Variants in BRINP3 observed in about 807,000 individuals in gnomAD.
BRINP3 encodes BMP/retinoic acid inducible neural specific 3.
Under a neutral mutation model 71.0 loss-of-function variants are expected in BRINP3, and 19 were observed. That is an observed-to-expected ratio of 0.27 (90% CI 0.19 to 0.39). BRINP3 has a LOEUF of 0.39. BRINP3 is among the 10% of genes least tolerant of loss of function. BRINP3 has a pLI of 1.00. For missense variants in BRINP3, 959 were observed against 940.8 expected (o/e 1.02, Z -0.25); for synonymous variants, 380 against 337.7 (o/e 1.13, Z -1.37).
At chr1:190,119,725 A>G (rs2102312389) in intron 7 of BRINP3, among the ~76,000 whole-genome samples, 1 of 152,370 alleles carries the variant, frequency 6.6e-6, no homozygotes, top group East Asian at 1.9e-4. Context: ...AAAGGCAACA[A>G]TGATGAGATG....
intron 2 of BRINP3, among the ~76,000 whole-genome samples, chr1:190,394,512 G>A (rs184254758): frequency 6.1e-4 from 93 of 151,544 alleles, no homozygotes; most frequent in African/African-American, 2.2e-3. Flanking sequence ...TGACTATGCT[G>A]TTTCTTCAGT....
chr1:190,198,893 T>C (rs951407740), intron 6 of BRINP3, among the ~76,000 whole-genome samples: 6 of 152,148 alleles, frequency 3.9e-5, no homozygotes, highest in Non-Finnish European at 7.4e-5. Context: ...TTTGATATCT[T>C]AACAGCAGCA....
chr1:190,387,900 T>G (rs1671013145), intron 2 of BRINP3, among the ~76,000 whole-genome samples: 1 of 151,862 alleles, frequency 6.6e-6, no homozygotes, highest in Non-Finnish European at 1.5e-5. Flanking sequence ...ATTTCTCCTT[T>G]GAATTCTAAT....
intron 2 of BRINP3, among the ~76,000 whole-genome samples, chr1:190,350,115 G>A (rs1195275896): frequency 1.3e-5 from 2 of 152,020 alleles, no homozygotes; most frequent in Non-Finnish European, 2.9e-5. Context: ...ACAAAACCAC[G>A]CCCTTGGTCA....
chr1:190,178,037 T>C (rs1022088493), intron 6 of BRINP3, among the ~76,000 whole-genome samples: 1 of 152,198 alleles, frequency 6.6e-6, no homozygotes, highest in Non-Finnish European at 1.5e-5. Flanking sequence ...GTCAGATATA[T>C]GCAAATATTA....
At chr1:190,141,704 C>T (rs745848555) in intron 7 of BRINP3, among the ~76,000 whole-genome samples, 6 of 151,658 alleles carry the variant, frequency 4.0e-5, no homozygotes, top group South Asian at 2.1e-4. Flanking sequence ...GGGTTACAGG[C>T]GTGTGCCATC....
chr1:190,301,149 A>T (rs1664655567), intron 2 of BRINP3, among the ~76,000 whole-genome samples: 2 of 142,196 alleles, frequency 1.4e-5, no homozygotes, highest in Non-Finnish European at 3.0e-5. Flanking sequence ...ATATATACAC[A>T]CATACATATA....
intron 7 of BRINP3, among the ~76,000 whole-genome samples, chr1:190,134,563 CAT>C (rs1431029403): frequency 1.3e-5 from 2 of 152,012 alleles, no homozygotes; most frequent in Non-Finnish European, 2.9e-5. Flanking sequence ...TTTAGGAAGA[CAT>C]ATAATTATTC....
At chr1:190,255,797 C>A (rs139407261) in intron 4 of BRINP3, among the ~76,000 whole-genome samples, 1 of 151,948 alleles carries the variant, frequency 6.6e-6, no homozygotes, top group East Asian at 1.9e-4. Flanking sequence ...CTGCTCTGAT[C>A]TTAGTTATTT....
At chr1:190,151,782 G>C (rs1380162036) in intron 7 of BRINP3, among the ~76,000 whole-genome samples, 1 of 152,114 alleles carries the variant, frequency 6.6e-6, no homozygotes. Context: ...GGTGAGCAAA[G>C]AAGAGTCTTC....
chr1:190,217,394 T>C (rs976212170), intron 6 of BRINP3, among the ~76,000 whole-genome samples: 1 of 151,964 alleles, frequency 6.6e-6, no homozygotes, highest in African/African-American at 2.4e-5. Flanking sequence ...TCAAAACTAT[T>C]ACATGTGCTC....
At chr1:190,228,736 C>T (rs1035128259) in intron 5 of BRINP3, among the ~76,000 whole-genome samples, 1 of 151,730 alleles carries the variant, frequency 6.6e-6, no homozygotes, top group Non-Finnish European at 1.5e-5. Context: ...AGAGAGATAG[C>T]TTGGCCTGCT....
At chr1:190,273,291 C>G (rs1022213716) in intron 3 of BRINP3, among the ~76,000 whole-genome samples, 11 of 151,452 alleles carry the variant, frequency 7.3e-5, no homozygotes, top group African/African-American at 2.7e-4. Context: ...CATTTTTGTT[C>G]ATTTTTTTAA....
Position 190,244,219 on chromosome 1 carries a change from A to G in BRINP3, c.619-9742T>C, listed in dbSNP as rs79240193. Among the ~76,000 whole-genome samples, 499 of 152,222 alleles carry G rather than the reference A, an allele frequency of 3.3e-3. 4 individuals carry two copies. The highest frequency in any genetic ancestry group is 0.011 in the African/African-American group (461 of 41,540). On this transcript the variant is annotated intron_variant, in intron 4 of 7. Coordinates refer to ENST00000367462, the MANE Select transcript of BRINP3 (RefSeq NM_199051.3). ...GCCAAAATGGATGGGGACTGTTTGC[A>G]TAGACTAACTTATAATTGTGCAAAT...
intron 6 of BRINP3, among the ~76,000 whole-genome samples, chr1:190,203,050 A>C (rs1655148039): frequency 6.6e-6 from 1 of 152,088 alleles, no homozygotes. Context: ...AAATGGGCTT[A>C]ATCCATGGAA....
intron 2 of BRINP3, among the ~76,000 whole-genome samples, chr1:190,431,663 A>G (rs1052235076): frequency 1.3e-5 from 2 of 152,132 alleles, no homozygotes; most frequent in Non-Finnish European, 2.9e-5. Flanking sequence ...TTATTTTAAA[A>G]TAATCATATT....
chr1:190,309,185 A>G (rs1482564641), intron 2 of BRINP3, among the ~76,000 whole-genome samples: 1 of 100,766 alleles, frequency 9.9e-6, no homozygotes, highest in East Asian at 3.3e-4. Context: ...TAATAAGTCC[A>G]CAATAAAAAA....
At chr1:190,150,719 C>G (rs1471302738) in intron 7 of BRINP3, among the ~76,000 whole-genome samples, 2 of 152,098 alleles carry the variant, frequency 1.3e-5, no homozygotes, top group African/African-American at 4.8e-5. Flanking sequence ...AAAAAAGATT[C>G]TCATACTTTG....
At chr1:190,161,700 T>C (rs1357677821) in intron 6 of BRINP3, among the ~76,000 whole-genome samples, 3 of 152,220 alleles carry the variant, frequency 2.0e-5, no homozygotes, top group Admixed American at 6.5e-5. Context: ...ACACAAAAGA[T>C]AGTTGAAATA....
Sources: gnomAD v4.1 joint callset for allele counts (sites outside exome capture counted in the v4.1 genomes callset) on GRCh38, gnomAD v4.1.1 for gene constraint, MANE v1.5 for transcripts, NCBI Gene and HGNC (gene_info 2026-07-23, HGNC 2026-07-21) for gene names.